The following PCDHA9 variants were observed in gnomAD, a reference collection of about 807,000 sequenced individuals.
PCDHA9 encodes the protein protocadherin alpha 9.
A neutral mutation model predicts 62.0 loss-of-function variants in PCDHA9; 62 were observed. That is an observed-to-expected ratio of 1.00 (90% CI 0.81 to 1.23). The LOEUF (loss-of-function observed/expected upper bound fraction) is 1.23, where lower values mean the gene tolerates loss of function less well. PCDHA9 is among the 50% of genes most tolerant of loss of function. PCDHA9 has a pLI of 0.00. For missense variants in PCDHA9, 1,205 were observed against 1,249.8 expected (o/e 0.96, Z 0.54); for synonymous variants, 557 against 567.6 (o/e 0.98, Z 0.27).
chr5:140,937,838 G>A (rs757526914), intron 1 of PCDHA9, among the ~76,000 whole-genome samples: 3 of 150,986 alleles, frequency 2.0e-5, no homozygotes, highest in Non-Finnish European at 2.9e-5. Context: ...CATGAACCTG[G>A]AAGGCGGAAC....
intron 1 of PCDHA9, among the ~76,000 whole-genome samples, chr5:140,874,106 T>C (rs1554167018): frequency 1.3e-5 from 2 of 152,266 alleles, no homozygotes; most frequent in African/African-American, 4.8e-5. Flanking sequence ...TTTTAATTAC[T>C]TAACGTTTTA....
chr5:140,864,709 T>C (rs2048574243), intron 1 of PCDHA9: 1 of 152,268 alleles, frequency 6.6e-6, no homozygotes, highest in South Asian at 2.1e-4. Flanking sequence ...TGTTGAGCTC[T>C]TCTACTATTT....
chr5:140,941,211 CTTCCTTTCTTTCTTT>C (rs1563185551), intron 1 of PCDHA9, among the ~76,000 whole-genome samples: 1,583 of 129,706 alleles, frequency 0.012, 22 homozygotes, highest in African/African-American at 0.029. Flanking sequence ...TCCTTTCTTT[CTTCCTTTCTTTCTTT>C]CTTTCTTTCT....
chr5:140,931,049 A>G (rs1165336064), intron 1 of PCDHA9, among the ~76,000 whole-genome samples: 1 of 152,226 alleles, frequency 6.6e-6, no homozygotes, highest in Non-Finnish European at 1.5e-5. Flanking sequence ...AAAAACTTCA[A>G]TGCTGTGTCT....
At chr5:140,936,773 C>T (rs916525557) in intron 1 of PCDHA9, among the ~76,000 whole-genome samples, 3 of 152,280 alleles carry the variant, frequency 2.0e-5, no homozygotes, top group African/African-American at 7.2e-5. Context: ...TGTAAGTTCT[C>T]TCACTTTGTT....
At chr5:140,922,825 C>T (rs1554200979) in intron 1 of PCDHA9, among the ~76,000 whole-genome samples, 1 of 152,178 alleles carries the variant, frequency 6.6e-6, no homozygotes, top group Non-Finnish European at 1.5e-5. Context: ...CAGCATACTG[C>T]TAATAGATGT....
intron 1 of PCDHA9, chr5:140,883,500 G>C (rs1562789727): frequency 6.2e-7 from 1 of 1,614,100 alleles, no homozygotes; most frequent in African/African-American, 1.3e-5. Flanking sequence ...GTGCTGGACA[G>C]CGCCCTGGAC....
At chr5:140,892,623 C>T (rs2153438758) in intron 1 of PCDHA9, among the ~76,000 whole-genome samples, 1 of 152,114 alleles carries the variant, frequency 6.6e-6, no homozygotes, top group East Asian at 1.9e-4. Flanking sequence ...CCAGTTGGTA[C>T]ATAATAATTG....
chr5:140,921,925 G>A (rs895157006), intron 1 of PCDHA9, among the ~76,000 whole-genome samples: 2 of 151,816 alleles, frequency 1.3e-5, no homozygotes, highest in African/African-American at 4.8e-5. Flanking sequence ...AAAACTTATA[G>A]TCAATATAAT....
intron 1 of PCDHA9, among the ~76,000 whole-genome samples, chr5:140,932,575 G>A (rs1554208974): frequency 6.6e-6 from 1 of 151,674 alleles, no homozygotes; most frequent in South Asian, 2.1e-4. Context: ...TTTCCCATAG[G>A]GTAATTAGAT....
At chr5:140,924,209 A>T (rs1470255016) in intron 1 of PCDHA9, among the ~76,000 whole-genome samples, 1 of 152,242 alleles carries the variant, frequency 6.6e-6, no homozygotes, top group Non-Finnish European at 1.5e-5. Flanking sequence ...AAATTTGGTG[A>T]AGAATAAGTT....
chr5:140,862,768 G>A (rs1409687409), intron 1 of PCDHA9: 1 of 576,568 alleles, frequency 1.7e-6, no homozygotes, highest in Admixed American at 1.9e-5. Flanking sequence ...CAAGAGGTAC[G>A]CGTTGCAGCC....
Position 140,848,963 on chromosome 5 carries a change from C to G in PCDHA9, c.468C>G (p.Gly156=), listed in dbSNP as rs376979276. ...RPLDSRFPLE[G]ASDADIGENA... ...TTGACTCTCGGTTTCCACTAGAGGG[C>G]GCGTCCGATGCAGATATCGGGGAGA... Residue 156 remains glycine, a synonymous_variant, in exon 1 of 4, where the codon GGC becomes GGG. Transcript: ENST00000532602. 1.9e-6 allele frequency: 3 copies of G among 1,606,264 alleles called. No homozygotes were observed. Among genetic ancestry groups the G allele is most frequent in the Non-Finnish European group, 1.7e-6 (2 of 1,176,366 alleles).
intron 1 of PCDHA9, chr5:140,928,280 C>G (rs781831365): frequency 6.2e-7 from 1 of 1,614,194 alleles, no homozygotes; most frequent in East Asian, 2.2e-5. Context: ...CCTGGGGCCT[C>G]TCTAGGCCGA....
chr5:140,990,998 T>C (rs994699186), intron 3 of PCDHA9, among the ~76,000 whole-genome samples: 1 of 152,216 alleles, frequency 6.6e-6, no homozygotes, highest in Non-Finnish European at 1.5e-5. Flanking sequence ...CTACCATTTA[T>C]TGAGAACTGT....
At position 140,850,404 on chromosome 5, in the gene PCDHA9, C is replaced by G; in HGVS notation, c.1909C>G (p.Leu637Val). The change falls in exon 1 of 4, where the codon CTG (leucine) becomes GTG (valine). Residue 637 changes from leucine (L) to valine (V), a missense_variant. Physicochemically the swap from Leu to Val is conservative, Grantham distance 32. This residue lies in a region of PCDHA9 where 887 missense variants were observed against 809.5 expected (regional missense o/e 1.10). Transcript: ENST00000532602. ...YTGEISTTRALDETDAPRQRL... is the reference protein window; with the variant it reads ...YTGEISTTRAVDETDAPRQRL... ...GGGCGAGATCAGCACAACGCGTGCC[C>G]TGGACGAAACGGACGCACCGCGCCA... 1 of 1,597,970 alleles carries G rather than the reference C, an allele frequency of 6.3e-7. No individual in the cohort carries two copies. The highest frequency in any genetic ancestry group is 8.6e-7 in the Non-Finnish European group (1 of 1,167,740).
At chr5:140,876,549 G>A in intron 1 of PCDHA9, 2 of 1,614,206 alleles carry the variant, frequency 1.2e-6, no homozygotes, top group Non-Finnish European at 1.7e-6. Flanking sequence ...CGCTCCCTGT[G>A]CAAGAGGATG....
chr5:140,872,593 A>T (rs1214441484), intron 1 of PCDHA9, among the ~76,000 whole-genome samples: 1 of 152,160 alleles, frequency 6.6e-6, no homozygotes, highest in African/African-American at 2.4e-5. Flanking sequence ...TGAGACCCCC[A>T]TCTGAAAAAA....
chr5:140,948,345 A>G (rs1476053305), intron 1 of PCDHA9, among the ~76,000 whole-genome samples: 3 of 151,554 alleles, frequency 2.0e-5, no homozygotes, highest in African/African-American at 7.2e-5. Context: ...TAGTATTTCT[A>G]ACCTAATAAA....
Sources: allele counts gnomAD v4.1 joint callset (sites outside exome capture counted in the v4.1 genomes callset), GRCh38; gene constraint gnomAD v4.1.1; regional missense constraint gnomAD v4.1.1; transcripts MANE v1.5; gene names NCBI Gene and HGNC (gene_info 2026-07-23, HGNC 2026-07-21).